Variants in TBC1D15 observed in about 807,000 individuals in gnomAD.
TBC1D15 encodes the protein GAP for RAB7.
A neutral mutation model predicts 95.4 loss-of-function variants in TBC1D15; 39 were observed. That is an observed-to-expected ratio of 0.41 (90% confidence interval 0.32 to 0.53). TBC1D15 has a LOEUF of 0.53. Ranked by LOEUF, TBC1D15 falls within the 20% of genes least tolerant of loss-of-function variation. TBC1D15 has a pLI of 0.29. For missense variants in TBC1D15, 733 were observed against 794.3 expected, an observed-to-expected ratio of 0.92 and a Z score of 0.93; for synonymous variants, 258 against 261.3, an observed-to-expected ratio of 0.99 and a Z score of 0.12.
chr12:71,891,131 ATTTC>A (rs1192643832), intron 5 of TBC1D15, among the ~76,000 whole-genome samples: 1 of 152,130 alleles, frequency 6.6e-6, no homozygotes, highest in Admixed American at 6.5e-5. Context: ...AATGCTGTTT[ATTTC>A]TTTAGCCTTA....
intron 5 of TBC1D15, among the ~76,000 whole-genome samples, chr12:71,888,849 T>C (rs1279808218): frequency 5.0e-5 from 6 of 120,712 alleles, no homozygotes; most frequent in Non-Finnish European, 9.0e-5. Context: ...TGTTTCTTTT[T>C]TTTTTTTTTT....
At position 71,910,343 on chromosome 12, in the gene TBC1D15, A is replaced by G. The variant is rs994759570; in HGVS notation, c.1300+3205A>G. Among the ~76,000 whole-genome samples the G allele has an allele frequency of 6.0e-5, 9 of 148,794 alleles. No individual in the cohort carries two copies. The East Asian group carries it at 7.7e-4, about 13-fold the overall frequency. Reference sequence around the variant, plus strand: ...TGGCTTAGGATTGACTTGGCAATGCAGGCTCTTTTTTGGTTCCATATGAAC... The same window carrying G: ...TGGCTTAGGATTGACTTGGCAATGCGGGCTCTTTTTTGGTTCCATATGAAC... On this transcript the variant is annotated intron_variant, in intron 11 of 16. Transcript: ENST00000485960.
Position 71,917,754 on chromosome 12 carries a change from T to C in TBC1D15, c.1458T>C (p.Ser486=), listed in dbSNP as rs750287243. The C allele has an allele frequency of 2.5e-6, 4 of 1,613,134 alleles. No homozygotes were observed. The highest frequency in any genetic ancestry group is 3.4e-6 in the Non-Finnish European group (4 of 1,179,394). Residue 486 remains serine, a synonymous_variant, in exon 13 of 17, where the codon AGT becomes AGC. Coordinates refer to ENST00000485960, the MANE Select transcript of TBC1D15 (RefSeq NM_001146213.3). ...TGAAGACCCAGCTAATTCAGCTGAG[T>C]ACCTTACTTCGATTGTTAGACAGTG... ...QGMKTQLIQL[S]TLLRLLDSGF... is the part of the protein sequence containing the mutation.
At position 71,923,124 on chromosome 12, in the gene TBC1D15, C is replaced by T. The variant is rs748678043; in HGVS notation, c.1945C>T (p.Leu649Phe). Residue 649 changes from leucine to phenylalanine, a missense_variant, in exon 17 of 17, where the codon CTC becomes TTC. Transcript: ENST00000485960. Reference protein sequence around the residue: ...SAFQSNALPTLSASGARNDSP... With the variant: ...SAFQSNALPTFSASGARNDSP... ...ATTTCAAAGTAATGCCTTGCCTACA[C>T]TCTCTGCCAGTGGAGCCAGAAATGA... The T allele has an allele frequency of 1.2e-6, 2 of 1,614,086 alleles. No individual in the cohort carries two copies. Among genetic ancestry groups the T allele is most frequent in the Non-Finnish European group, 1.7e-6 (2 of 1,180,044 alleles).
At chr12:71,852,443 C>T (rs777517703) in intron 1 of TBC1D15, among the ~76,000 whole-genome samples, 29 of 152,236 alleles carry the variant, frequency 1.9e-4, no homozygotes, top group Non-Finnish European at 3.1e-4. Flanking sequence ...CAAATTTCTG[C>T]GGTGAGTTTG....
At chr12:71,905,004 GT>G (rs2138862808) in intron 10 of TBC1D15, among the ~76,000 whole-genome samples, 1 of 152,318 alleles carries the variant, frequency 6.6e-6, no homozygotes, top group Admixed American at 6.5e-5. Context: ...TAGATGGAGA[GT>G]TGGATTTAAT....
chr12:71,880,393 T>A (rs766443632), intron 3 of TBC1D15, 76 bp from the exon 4 acceptor site: 25 of 1,306,068 alleles, frequency 1.9e-5, no homozygotes, highest in Non-Finnish European at 2.4e-5. Context: ...CCTACAAACA[T>A]TGAAGCTAAG....
At position 71,913,920 on chromosome 12, in the gene TBC1D15, C is replaced by G. The variant is rs1182848937; in HGVS notation, c.1395C>G (p.Asp465Glu). ...DAFWCFASYMDQMHQNFEEQM... is the reference protein window; with the variant it reads ...DAFWCFASYMEQMHQNFEEQM... ...TTTGGTGCTTTGCCTCTTACATGGA[C>G]CAAATGGTAAGAACAGAGATTCCTT... The change falls in exon 12 of 17, where the codon GAC (aspartate) becomes GAG (glutamate). Residue 465 changes from aspartate to glutamate, a missense_variant. Transcript: ENST00000485960. 1 of 1,584,690 alleles carries G rather than the reference C, an allele frequency of 6.3e-7. No individual in the cohort carries two copies.
chr12:71,876,003 A>G (rs1197248808), intron 3 of TBC1D15, among the ~76,000 whole-genome samples: 2 of 151,722 alleles, frequency 1.3e-5, no homozygotes, highest in East Asian at 1.9e-4. Context: ...GTTTCACCAT[A>G]TTGCTGGTCT....
intron 5 of TBC1D15, 46 bp downstream of exon 5, chr12:71,885,067 T>G (rs1321680294): frequency 6.3e-7 from 1 of 1,588,772 alleles, no homozygotes; most frequent in South Asian, 1.1e-5. Flanking sequence ...GATCATTGTA[T>G]TAATCCCAAA....
At chr12:71,844,318 C>A (rs1565931714) in intron 1 of TBC1D15, among the ~76,000 whole-genome samples, 1 of 152,186 alleles carries the variant, frequency 6.6e-6, no homozygotes, top group South Asian at 2.1e-4. Flanking sequence ...GCTTATGCAG[C>A]CCTTTATGAT....
rs776542735 is a variant in TBC1D15, at chr12:71,880,606, A to G, written c.342A>G (p.Gly114=). 1.9e-6 allele frequency: 3 copies of G among 1,600,450 alleles called. No individual in the cohort carries two copies. The highest frequency in any genetic ancestry group is 3.6e-5 in the Admixed American group (2 of 56,122). Residue 114 remains glycine (G), a splice_region_variant and synonymous_variant, in exon 4 of 17, where the codon GGA becomes GGG. Coordinates refer to ENST00000485960, the MANE Select transcript of TBC1D15 (RefSeq NM_001146213.3). ...VSFKRKPHTN[G]DAPSHRNGKS... is the part of the protein sequence containing the mutation. ...TTAAAAGGAAACCACATACCAATGG[A>G]GGTATGAATTAAATCTTTTGAAATC...
At chr12:71,893,165 A>C in intron 5 of TBC1D15, 57 bp from the exon 6 acceptor site, 2 of 924,392 alleles carry the variant, frequency 2.2e-6, no homozygotes, top group Non-Finnish European at 3.0e-6. Context: ...GTAATTGTTC[A>C]TGTAGTAATT....
chr12:71,911,780 A>G (rs1902427258), intron 11 of TBC1D15, among the ~76,000 whole-genome samples: 1 of 151,974 alleles, frequency 6.6e-6, no homozygotes, highest in Non-Finnish European at 1.5e-5. Context: ...TAATTTAAAA[A>G]AACTGTAAAA....
At chr12:71,892,392 A>G (rs1379802698) in intron 5 of TBC1D15, among the ~76,000 whole-genome samples, 3 of 152,086 alleles carry the variant, frequency 2.0e-5, no homozygotes, top group Non-Finnish European at 4.4e-5. Flanking sequence ...GGAGGTGTAT[A>G]GCAGCAAAAT....
At chr12:71,908,138 A>C (rs946256621) in intron 11 of TBC1D15, 1 of 152,100 alleles carries the variant, frequency 6.6e-6, no homozygotes, top group Non-Finnish European at 1.5e-5. Flanking sequence ...GCCGCATTAC[A>C]CTCCAGCCTG....
At chr12:71,881,916 C>CA (rs35977474) in intron 4 of TBC1D15, among the ~76,000 whole-genome samples, 8,174 of 52,590 alleles carry the variant, frequency 0.16, 758 homozygotes, top group East Asian at 0.43. Context: ...GACTCCGTCT[C>CA]AAAAAAAAAA....
At chr12:71,855,251 T>A (rs1386700303) in intron 1 of TBC1D15, among the ~76,000 whole-genome samples, 1 of 152,132 alleles carries the variant, frequency 6.6e-6, no homozygotes, top group African/African-American at 2.4e-5. Flanking sequence ...TCCCACTGGG[T>A]TCCTCCCTCA....
intron 6 of TBC1D15, chr12:71,894,239 A>G: frequency 9.5e-7 from 1 of 1,055,302 alleles, no homozygotes; most frequent in Non-Finnish European, 1.4e-6. Context: ...ATATTTAAAT[A>G]TGAGTTTTTA....
Sources: allele counts gnomAD v4.1 joint callset (sites outside exome capture counted in the v4.1 genomes callset), GRCh38; gene constraint gnomAD v4.1.1; transcripts MANE v1.5; gene names NCBI Gene and HGNC (gene_info 2026-07-23, HGNC 2026-07-21).